Variants in ZNF254 observed in about 807,000 individuals in gnomAD.
ZNF254 encodes the protein CTD-2017D11.1.
Under a neutral mutation model 12.4 loss-of-function variants are expected in ZNF254, and 10 were observed. The ratio of observed to expected loss-of-function variants is 0.80; its 90% CI spans 0.50 to 1.36. The LOEUF (loss-of-function observed/expected upper bound fraction) is 1.36. ZNF254 is among the 40% of genes most tolerant of loss of function. The pLI is 0.00. For synonymous variants in ZNF254, 305 were observed against 253.4 expected, an observed-to-expected ratio of 1.20 and a Z score of -1.93; for missense variants, 996 against 763.9, an observed-to-expected ratio of 1.30 and a Z score of -3.58.
intron 2 of ZNF254, among the ~76,000 whole-genome samples, chr19:24,052,079 T>G (rs1970670132): frequency 6.6e-6 from 1 of 151,934 alleles, no homozygotes; most frequent in East Asian, 1.9e-4. Context: ...ACATAAGGGG[T>G]AGTGTGACAT....
At chr19:24,118,584 G>T (rs564127771) in intron 3 of ZNF254, among the ~76,000 whole-genome samples, 1 of 151,584 alleles carries the variant, frequency 6.6e-6, no homozygotes, top group South Asian at 2.1e-4. Context: ...TTTAAAAGTC[G>T]TTTCTATTTT....
At chr19:24,111,187 G>T (rs1973656711) in intron 3 of ZNF254, among the ~76,000 whole-genome samples, 2 of 143,422 alleles carry the variant, frequency 1.4e-5, no homozygotes, top group Admixed American at 1.5e-4. Flanking sequence ...CCACCTATGA[G>T]TGAGAATATG....
At chr19:24,110,644 C>G (rs1344960410) in intron 3 of ZNF254, among the ~76,000 whole-genome samples, 1 of 152,064 alleles carries the variant, frequency 6.6e-6, no homozygotes, top group African/African-American at 2.4e-5. Flanking sequence ...AATTTTACAT[C>G]TTGTAAAACT....
At chr19:24,067,223 C>T (rs1971308803) in intron 2 of ZNF254, among the ~76,000 whole-genome samples, 1 of 151,964 alleles carries the variant, frequency 6.6e-6, no homozygotes, top group Non-Finnish European at 1.5e-5. Context: ...CCTCTCTTAT[C>T]TTCACTTTGT....
intron 1 of ZNF254, among the ~76,000 whole-genome samples, chr19:24,040,387 C>T (rs575795934): frequency 6.6e-6 from 1 of 152,262 alleles, no homozygotes; most frequent in Admixed American, 6.5e-5. Flanking sequence ...GAAACCAGTG[C>T]TTACATTTTA....
rs1005168029 is a variant in ZNF254 at position 24,129,592 on chromosome 19, G to A, written c.*1612G>A. 1 of 151,730 alleles carries A rather than the reference G, an allele frequency of 6.6e-6. No homozygotes were observed. Among genetic ancestry groups the A allele is most frequent in the Non-Finnish European group, 1.5e-5 (1 of 67,844 alleles). 9.4% of individuals were successfully genotyped at this position (151,730 alleles called of 1,614,324 possible). On this transcript the variant is annotated 3_prime_UTR_variant, in exon 4 of 4. Coordinates refer to ENST00000357002, the MANE Select transcript of ZNF254 (RefSeq NM_203282.4). ...TAATTTTTGTGGATACATAATATGT[G>A]TATATATGTATGCCATATATGGTAT...
intron 3 of ZNF254, among the ~76,000 whole-genome samples, chr19:24,114,369 CACCACATATCTACA>C (rs1330530712): frequency 7.7e-6 from 1 of 129,088 alleles, no homozygotes; most frequent in African/African-American, 3.1e-5. Context: ...TCAGAAAGAA[CACCACATATCTACA>C]ACTATCTGAT....
Position 24,075,536 on chromosome 19 carries a change from C to T in ZNF254, c.-94+29257C>T, listed in dbSNP as rs577166488. On this transcript the variant is annotated intron_variant, in intron 2 of 4. Coordinates refer to the ZNF254 transcript ENST00000613065. ...CGATTTTCGAAGGGGAGGGAGTGTA[C>T]GAATAGGGTGTGGGTCACAGAGATC... 7.0e-4 allele frequency among the ~76,000 whole-genome samples: 106 copies of T among 152,092 alleles called. 1 individual carries two copies. The highest frequency in any genetic ancestry group is 1.1e-3 in the Non-Finnish European group (78 of 68,004).
chr19:24,098,176 A>G (rs1483870898), intron 1 of ZNF254, among the ~76,000 whole-genome samples: 1 of 152,218 alleles, frequency 6.6e-6, no homozygotes, highest in Non-Finnish European at 1.5e-5. Flanking sequence ...TCTAATATCC[A>G]AAGAAAATTT....
chr19:24,037,917 T>C (rs1324600486), intron 1 of ZNF254, among the ~76,000 whole-genome samples: 1 of 152,164 alleles, frequency 6.6e-6, no homozygotes, highest in African/African-American at 2.4e-5. Flanking sequence ...CCCTAATTTT[T>C]TGTACTTTTA....
chr19:24,083,732 C>T (rs1297444069), upstream of ZNF254, among the ~76,000 whole-genome samples: 3 of 152,074 alleles, frequency 2.0e-5, no homozygotes, highest in Admixed American at 6.5e-5. Context: ...GATAAAAATG[C>T]TCAACATTAC....
intron 2 of ZNF254, chr19:24,080,809 A>T (rs968717468): frequency 2.1e-5 from 3 of 140,632 alleles, no homozygotes; most frequent in African/African-American, 8.1e-5. Flanking sequence ...AAGCTAGATG[A>T]GTTGCGAGTT....
At chr19:24,040,250 G>C (rs1340929339) in intron 1 of ZNF254, among the ~76,000 whole-genome samples, 1 of 152,194 alleles carries the variant, frequency 6.6e-6, no homozygotes, top group Non-Finnish European at 1.5e-5. Context: ...ATCTGCAGAA[G>C]TGTAAAACGG....
intron 1 of ZNF254, among the ~76,000 whole-genome samples, chr19:24,092,171 C>T (rs1489462430): frequency 7.1e-6 from 1 of 140,290 alleles, no homozygotes; most frequent in East Asian, 2.1e-4. Flanking sequence ...TGTGCCTGGC[C>T]TTTTTTTTTT....
chr19:24,101,146 G>A (rs1259365033), intron 1 of ZNF254, among the ~76,000 whole-genome samples: 2 of 152,082 alleles, frequency 1.3e-5, no homozygotes, highest in African/African-American at 4.8e-5. Context: ...CACCCAGCCC[G>A]TATCAGCCTT....
rs148730576 is a variant in ZNF254 at position 24,048,592 on chromosome 19, G to A, written c.-94+2313G>A. On this transcript the variant is annotated intron_variant, in intron 2 of 4. Coordinates refer to the ZNF254 transcript ENST00000613065. The stretch of plus-strand genomic sequence containing the variant: ...TCCTCCCATTTTGGCCTCCCAAATA[G>A]CTGGGGATCTGGGGATAGTTCTGTG... Among the ~76,000 whole-genome samples the A allele has an allele frequency of 6.8e-3, 1,033 of 152,302 alleles. 16 individuals are homozygous for A. The highest frequency in any genetic ancestry group is 0.024 in the African/African-American group (979 of 41,564).
At chr19:24,087,160 A>C, upstream of ZNF254, 2 of 1,027,002 alleles carry the variant, frequency 1.9e-6, no homozygotes, top group Non-Finnish European at 3.0e-6. Flanking sequence ...GCTGGACTGG[A>C]CAAAGCGGCT....
At chr19:24,080,849 G>T (rs1296116301) in intron 2 of ZNF254, among the ~76,000 whole-genome samples, 3 of 151,324 alleles carry the variant, frequency 2.0e-5, no homozygotes, top group Non-Finnish European at 4.4e-5. Context: ...AGCACTTTGG[G>T]AGGCTGAGGT....
intron 2 of ZNF254, among the ~76,000 whole-genome samples, chr19:24,048,155 A>G (rs1380737018): frequency 6.6e-6 from 1 of 151,948 alleles, no homozygotes; most frequent in African/African-American, 2.4e-5. Context: ...TGGTCACACC[A>G]TCAGGTGACC....
Sources: allele counts gnomAD v4.1 joint callset (sites outside exome capture counted in the v4.1 genomes callset), GRCh38; gene constraint gnomAD v4.1.1; transcripts MANE v1.5; gene names NCBI Gene and HGNC (gene_info 2026-07-23, HGNC 2026-07-21).